Variants in TASP1 observed in about 807,000 individuals in gnomAD.
TASP1 encodes taspase 1.
TASP1 carries 16 observed loss-of-function variants against 56.6 expected under a neutral mutation model. The observed-to-expected ratio is 0.28, with a 90% CI of 0.19 to 0.43. The LOEUF (loss-of-function observed/expected upper bound fraction) is 0.43, where lower values mean the gene tolerates loss of function less well. Among genes scored for constraint, TASP1 ranks in the 20% least tolerant of loss-of-function variants. The pLI is 1.00. For missense variants in TASP1, 393 were observed against 511.6 expected (o/e 0.77, Z 2.24); for synonymous variants, 179 against 184.2 (o/e 0.97, Z 0.23).
chr20:13,157,227 C>A, the TASP1 span, among the ~76,000 whole-genome samples: 1 of 147,992 alleles, frequency 6.8e-6, no homozygotes, highest in Non-Finnish European at 1.5e-5. Context: ...CACCTGAGGT[C>A]AGGAGTTTGA....
Position 13,549,938 on chromosome 20 carries a change from C to T in TASP1, c.675+9070G>A, listed in dbSNP as rs755041579. Among the ~76,000 whole-genome samples, 43 of 152,096 alleles carry T rather than the reference C, an allele frequency of 2.8e-4. 1 individual carries two copies. Among genetic ancestry groups the T allele is most frequent in the Non-Finnish European group, 4.4e-4 (30 of 67,996 alleles). On this transcript the variant is annotated intron_variant, in intron 8 of 13. Coordinates refer to ENST00000337743, the MANE Select transcript of TASP1 (RefSeq NM_017714.3). ...TATTCTGACAAACCACAGGTTACTT[C>T]CGTTACAAAACAAAAACAGTAGTTA... is the stretch of plus-strand genomic sequence containing the variant.
chr20:13,355,258 CAT>C, the TASP1 span, among the ~76,000 whole-genome samples: 2 of 152,094 alleles, frequency 1.3e-5, no homozygotes, highest in Admixed American at 1.3e-4. Flanking sequence ...GTTATATCCA[CAT>C]ATGTTATTTT....
the TASP1 span, among the ~76,000 whole-genome samples, chr20:13,359,703 C>T: frequency 6.6e-6 from 1 of 151,140 alleles, no homozygotes; most frequent in Admixed American, 6.6e-5. Flanking sequence ...GTTATCCCCA[C>T]CTGCCCAGTT....
chr20:13,151,776 G>A, the TASP1 span, among the ~76,000 whole-genome samples: 2 of 152,296 alleles, frequency 1.3e-5, no homozygotes, highest in East Asian at 1.9e-4. Context: ...AATGTTAGAT[G>A]TCTGGGTAAA....
At chr20:13,519,871 C>A (rs2044673873) in intron 10 of TASP1, among the ~76,000 whole-genome samples, 1 of 152,266 alleles carries the variant, frequency 6.6e-6, no homozygotes, top group Middle Eastern at 3.4e-3. Context: ...ATCTAGAAAA[C>A]CTCATTGTCT....
At chr20:13,261,702 A>G in the TASP1 span, among the ~76,000 whole-genome samples, 1 of 152,222 alleles carries the variant, frequency 6.6e-6, no homozygotes, top group African/African-American at 2.4e-5. Flanking sequence ...AACCCATTTT[A>G]GAAGTACTTG....
the TASP1 span, among the ~76,000 whole-genome samples, chr20:13,244,979 T>C: frequency 6.6e-6 from 1 of 152,228 alleles, no homozygotes; most frequent in Non-Finnish European, 1.5e-5. Flanking sequence ...GAGAGGTTTC[T>C]TTTTATAAAA....
At chr20:13,337,019 C>T in the TASP1 span, among the ~76,000 whole-genome samples, 1 of 152,280 alleles carries the variant, frequency 6.6e-6, no homozygotes, top group African/African-American at 2.4e-5. Flanking sequence ...CCAAGGGAAT[C>T]CATGAGAAGA....
At chr20:13,198,950 G>A in the TASP1 span, among the ~76,000 whole-genome samples, 88 of 149,666 alleles carry the variant, frequency 5.9e-4, 1 homozygote, top group African/African-American at 1.9e-3. Flanking sequence ...CTGTCACCCA[G>A]GCTGCACTGC....
chr20:13,490,101 C>A (rs1388347697), intron 10 of TASP1, among the ~76,000 whole-genome samples: 1 of 152,120 alleles, frequency 6.6e-6, no homozygotes, highest in Admixed American at 6.5e-5. Flanking sequence ...AGCTCATATA[C>A]ACATATTTAT....
intron 4 of TASP1, among the ~76,000 whole-genome samples, chr20:13,601,637 G>A (rs58222390): frequency 1.3e-5 from 2 of 152,096 alleles, no homozygotes; most frequent in African/African-American, 2.4e-5. Context: ...CACTCCTTAA[G>A]TGTGAGGTAC....
At chr20:13,597,576 T>A (rs1314890191) in intron 4 of TASP1, among the ~76,000 whole-genome samples, 1 of 152,144 alleles carries the variant, frequency 6.6e-6, no homozygotes, top group Non-Finnish European at 1.5e-5. Flanking sequence ...GCCAATATCA[T>A]ACTGGATGGG....
chr20:13,346,777 G>A, the TASP1 span, among the ~76,000 whole-genome samples: 1 of 152,228 alleles, frequency 6.6e-6, no homozygotes. Context: ...AGTGGTTTAT[G>A]ACACAGTTAC....
At chr20:13,359,940 T>C in the TASP1 span, among the ~76,000 whole-genome samples, 16 of 151,114 alleles carry the variant, frequency 1.1e-4, no homozygotes, top group African/African-American at 3.4e-4. Context: ...CTTACCCCAC[T>C]CAATGCCAAT....
At chr20:13,538,983 G>T (rs182673727) in intron 8 of TASP1, among the ~76,000 whole-genome samples, 99 of 152,198 alleles carry the variant, frequency 6.5e-4, no homozygotes, top group Non-Finnish European at 1.1e-3. Context: ...AGGAGGTGGA[G>T]GTTGCAGTGA....
chr20:13,609,560 C>T (rs767118371), intron 4 of TASP1, among the ~76,000 whole-genome samples: 125 of 151,874 alleles, frequency 8.2e-4, no homozygotes, highest in Non-Finnish European at 1.3e-3. Flanking sequence ...TGGCGGTGGG[C>T]GCCTATAATC....
the TASP1 span, among the ~76,000 whole-genome samples, chr20:13,136,962 A>C: frequency 6.6e-6 from 1 of 152,124 alleles, no homozygotes; most frequent in Non-Finnish European, 1.5e-5. Context: ...TTCCATAGGA[A>C]GAAAAAGCTT....
the TASP1 span, among the ~76,000 whole-genome samples, chr20:13,130,866 T>C: frequency 3.3e-5 from 5 of 152,196 alleles, no homozygotes; most frequent in Non-Finnish European, 7.4e-5. Context: ...CTCAGCTTAA[T>C]AAATATGTCA....
At chr20:13,485,474 T>A (rs895430382) in intron 10 of TASP1, among the ~76,000 whole-genome samples, 1 of 151,988 alleles carries the variant, frequency 6.6e-6, no homozygotes, top group Non-Finnish European at 1.5e-5. Context: ...AAAGGATGAA[T>A]TTTTTTTAGA....
Sources: gnomAD v4.1 joint callset for allele counts (sites outside exome capture counted in the v4.1 genomes callset) on GRCh38, gnomAD v4.1.1 for gene constraint, MANE v1.5 for transcripts, NCBI Gene and HGNC (gene_info 2026-07-23, HGNC 2026-07-21) for gene names.